The following OIT3 variants were observed in gnomAD, a reference collection of about 807,000 sequenced individuals.
OIT3 encodes the protein oncoprotein induced transcript 3.
Under a neutral mutation model 52.2 loss-of-function variants are expected in OIT3, and 41 were observed. The ratio of observed to expected loss-of-function variants is 0.79; its 90% CI spans 0.61 to 1.02. The LOEUF (loss-of-function observed/expected upper bound fraction) is 1.02. Among genes scored for constraint, OIT3 ranks in the 50% least tolerant of loss-of-function variants. OIT3 has a pLI of 0.00. For missense variants in OIT3, 634 were observed against 715.5 expected, an observed-to-expected ratio of 0.89 and a Z score of 1.30; for synonymous variants, 244 against 276.9, an observed-to-expected ratio of 0.88 and a Z score of 1.18.
chr10:72,917,779 T>C (rs1228683133), intron 6 of OIT3: 2 of 1,437,778 alleles, frequency 1.4e-6, no homozygotes, highest in African/African-American at 2.8e-5. Context: ...ATTTTTGCTT[T>C]AATGTCTTCT....
intron 7 of OIT3, among the ~76,000 whole-genome samples, chr10:72,927,208 A>G (rs2132949749): frequency 6.6e-6 from 1 of 152,098 alleles, no homozygotes; most frequent in Admixed American, 6.5e-5. Flanking sequence ...GCGCAATCTC[A>G]GCTCCCCTGC....
At chr10:72,926,632 A>G (rs1002234222) in intron 7 of OIT3, among the ~76,000 whole-genome samples, 1 of 152,150 alleles carries the variant, frequency 6.6e-6, no homozygotes, top group African/African-American at 2.4e-5. Flanking sequence ...AGCCTCCTTA[A>G]GCTCATTTTC....
intron 6 of OIT3, chr10:72,918,026 GTCATCA>G (rs368236923): frequency 3.2e-5 from 26 of 818,290 alleles, no homozygotes; most frequent in African/African-American, 1.7e-4. Flanking sequence ...CTTCTTCATC[GTCATCA>G]TCATCATCAT....
rs746587182 is a variant in OIT3, at chr10:72,930,526, C to A, written c.1368-12C>A. The A allele has an allele frequency of 1.3e-6, 2 of 1,583,036 alleles. No individual in the cohort carries two copies. ...ACAATCAAGTCTTATGTGCTATCTG[C>A]CCTACTTTCAGCTGTGTTTCAGATG... is the stretch of plus-strand genomic sequence containing the variant. On this transcript the variant is annotated splice_polypyrimidine_tract_variant and intron_variant, in intron 7 of 8. Transcript: ENST00000334011.
At chr10:72,908,165 C>A (rs1003549986) in intron 4 of OIT3, among the ~76,000 whole-genome samples, 2 of 152,102 alleles carry the variant, frequency 1.3e-5, no homozygotes, top group Non-Finnish European at 2.9e-5. Context: ...ATCACTTGAA[C>A]CTGGGAGGTG....
intron 6 of OIT3, chr10:72,918,474 A>G (rs752314725): frequency 3.6e-5 from 41 of 1,153,714 alleles, no homozygotes; most frequent in Non-Finnish European, 5.0e-5. Flanking sequence ...CTTAATTCAC[A>G]ACCAAAAAGA....
At chr10:72,926,643 A>G (rs538312135) in intron 7 of OIT3, among the ~76,000 whole-genome samples, 3 of 152,284 alleles carry the variant, frequency 2.0e-5, no homozygotes, top group Non-Finnish European at 4.4e-5. Context: ...GCTCATTTTC[A>G]TAATATGGAA....
At chr10:72,915,052 G>T (rs1846061823) in intron 6 of OIT3, among the ~76,000 whole-genome samples, 2 of 152,098 alleles carry the variant, frequency 1.3e-5, no homozygotes, top group Non-Finnish European at 2.9e-5. Context: ...CTTTAGTAGA[G>T]ACGGGGTTTC....
intron 3 of OIT3, among the ~76,000 whole-genome samples, chr10:72,902,857 G>A (rs2132928099): frequency 6.6e-6 from 1 of 152,272 alleles, no homozygotes; most frequent in African/African-American, 2.4e-5. Context: ...TACAATTCAA[G>A]GTGAGATTTG....
chr10:72,896,920 T>A (rs1038622892), intron 1 of OIT3, among the ~76,000 whole-genome samples: 1 of 152,226 alleles, frequency 6.6e-6, no homozygotes, highest in African/African-American at 2.4e-5. Flanking sequence ...AATTTACCTA[T>A]GTTGATTCAT....
chr10:72,913,684 A>G, intron 6 of OIT3: 1 of 658,324 alleles, frequency 1.5e-6, no homozygotes, highest in Non-Finnish European at 2.8e-6. Flanking sequence ...TCCTGTTTTC[A>G]AATAGTCCCA....
chr10:72,919,910 T>C (rs983704752), intron 6 of OIT3, among the ~76,000 whole-genome samples: 22 of 152,302 alleles, frequency 1.4e-4, no homozygotes, highest in Non-Finnish European at 2.2e-4. Context: ...TGAGGTTTCC[T>C]TTTTTTGTTG....
At chr10:72,904,662 T>G (rs73288636) in intron 3 of OIT3, among the ~76,000 whole-genome samples, 27,132 of 152,190 alleles carry the variant, frequency 0.18, 4,961 homozygotes, top group African/African-American at 0.46. Flanking sequence ...AATACTTGTA[T>G]TATGGATTTT....
At chr10:72,894,374 G>A (rs754376203) in intron 1 of OIT3, among the ~76,000 whole-genome samples, 4 of 152,118 alleles carry the variant, frequency 2.6e-5, no homozygotes, top group Admixed American at 6.6e-5. Flanking sequence ...TGCAAAACTG[G>A]CCAGTCAGGC....
chr10:72,916,239 TG>T (rs1051826027), intron 6 of OIT3, among the ~76,000 whole-genome samples: 45 of 152,184 alleles, frequency 3.0e-4, no homozygotes, highest in African/African-American at 1.1e-3. Context: ...ATGTGTGTCA[TG>T]GGGGTTGGTT....
chr10:72,918,154 C>T lies in OIT3; in HGVS notation c.951+4686C>T, dbSNP rs932109337. On this transcript the variant is annotated intron_variant, in intron 6 of 8. Coordinates refer to ENST00000334011, the MANE Select transcript of OIT3 (RefSeq NM_152635.3). ...AAGAGTTTCACATCCTCCTCCTCTT[C>T]ACCTTCTGACTCTGCATCTTCCTCC... is the stretch of plus-strand genomic sequence containing the variant. The T allele has an allele frequency of 3.2e-5, 42 of 1,311,412 alleles. No homozygotes were observed. In the African/African-American group the frequency reaches 5.5e-4, roughly 17 times the overall value. The allele number at this position is 1,311,412 out of a possible 1,614,324, so 81.2% of individuals were successfully genotyped here.
intron 4 of OIT3, among the ~76,000 whole-genome samples, chr10:72,909,436 A>G (rs1846010450): frequency 6.6e-6 from 1 of 151,472 alleles, no homozygotes; most frequent in Non-Finnish European, 1.5e-5. Flanking sequence ...GTCTCTTTTT[A>G]TATAGTTTGT....
At chr10:72,931,779 A>T (rs983437490) in intron 8 of OIT3, among the ~76,000 whole-genome samples, 1 of 152,338 alleles carries the variant, frequency 6.6e-6, no homozygotes, top group South Asian at 2.1e-4. Context: ...TTGTTGAAAC[A>T]TTTAAACAAA....
chr10:72,932,049 G>A (rs1327901678), intron 8 of OIT3, among the ~76,000 whole-genome samples: 1 of 152,230 alleles, frequency 6.6e-6, no homozygotes, highest in African/African-American at 2.4e-5. Flanking sequence ...GTTAGTAGAT[G>A]TTGCTTCACA....
Sources: allele counts gnomAD v4.1 joint callset (sites outside exome capture counted in the v4.1 genomes callset), GRCh38; gene constraint gnomAD v4.1.1; transcripts MANE v1.5; gene names NCBI Gene and HGNC (gene_info 2026-07-23, HGNC 2026-07-21).